DPP6: variants seen among roughly 807,000 people sequenced by gnomAD.
The protein encoded by DPP6 is dipeptidyl peptidase like 6.
A neutral mutation model predicts 122.6 loss-of-function variants in DPP6; 69 were observed. The ratio of observed to expected loss-of-function variants is 0.56; its 90% confidence interval spans 0.46 to 0.69. The LOEUF is 0.69. DPP6 is among the 30% of genes least tolerant of loss of function. The probability of loss-of-function intolerance (pLI) is 0.00; values close to 1 mark genes in which losing one functional copy is unlikely to be tolerated. For synonymous variants in DPP6, 418 were observed against 433.1 expected, an observed-to-expected ratio of 0.97 and a Z score of 0.43; for missense variants, 928 against 1,116.9, an observed-to-expected ratio of 0.83 and a Z score of 2.41.
chr7:154,349,366 G>A (rs1810661546), intron 1 of DPP6, among the ~76,000 whole-genome samples: 1 of 152,096 alleles, frequency 6.6e-6, no homozygotes, highest in Admixed American at 6.5e-5. Context: ...AGTAGAGATG[G>A]GGTTTCACCA....
At chr7:154,679,609 G>A (rs532185538) in intron 7 of DPP6, among the ~76,000 whole-genome samples, 7 of 152,174 alleles carry the variant, frequency 4.6e-5, no homozygotes, top group Non-Finnish European at 1.0e-4. Flanking sequence ...GACAAATCCA[G>A]CGAGGGGAGG....
At chr7:154,344,453 A>G (rs1375818622) in intron 1 of DPP6, among the ~76,000 whole-genome samples, 2 of 152,174 alleles carry the variant, frequency 1.3e-5, no homozygotes, top group Non-Finnish European at 2.9e-5. Context: ...GGGAACCCTC[A>G]TACGCTGTTG....
intron 1 of DPP6, among the ~76,000 whole-genome samples, chr7:154,348,248 A>G (rs935375437): frequency 1.3e-5 from 2 of 152,246 alleles, no homozygotes; most frequent in Admixed American, 6.5e-5. Context: ...TGAAAGTCAT[A>G]CGATTCTATT....
chr7:154,834,486 C>G (rs201001814), intron 16 of DPP6, among the ~76,000 whole-genome samples: 2 of 7,128 alleles, frequency 2.8e-4, no homozygotes, highest in Non-Finnish European at 9.0e-4. Flanking sequence ...CAAAGAAAAA[C>G]AAAAACAAAA....
At chr7:154,711,629 T>A (rs1841185401) in intron 7 of DPP6, among the ~76,000 whole-genome samples, 1 of 144,434 alleles carries the variant, frequency 6.9e-6, no homozygotes, top group Non-Finnish European at 1.5e-5. Context: ...AGACTGGAAT[T>A]CAGGGTTCCA....
At chr7:154,179,653 G>A (rs184929526) in intron 1 of DPP6, among the ~76,000 whole-genome samples, 42 of 152,254 alleles carry the variant, frequency 2.8e-4, no homozygotes, top group African/African-American at 9.6e-4. Flanking sequence ...TCAGGCTTAT[G>A]GCCTTGGTCA....
chr7:154,863,354 T>TC lies in DPP6; in HGVS notation c.1715-4641_1715-4640insC, dbSNP rs1273541331. Among the ~76,000 whole-genome samples the TC allele has an allele frequency of 7.3e-5, 11 of 151,610 alleles. No individual in the cohort carries two copies. The highest frequency in any genetic ancestry group is 2.7e-4 in the African/African-American group (11 of 41,244). On this transcript the variant is annotated intron_variant, in intron 17 of 25. Coordinates refer to ENST00000377770, the MANE Select transcript of DPP6 (RefSeq NM_130797.4). This position sits in a 1 kb window ranked among gnomAD's most constrained non-coding sequence, Gnocchi z 4.1. ...CAATCCTTTCATAGGATTTTTTTTT[T>TC]TTTTTGAGATGGGGGTCTTGCTCTG...
chr7:154,321,799 A>G (rs1807987415), intron 1 of DPP6, among the ~76,000 whole-genome samples: 1 of 151,520 alleles, frequency 6.6e-6, no homozygotes, highest in African/African-American at 2.4e-5. Flanking sequence ...AAAAAAAAAA[A>G]AAAAAAGAGG....
intron 1 of DPP6, among the ~76,000 whole-genome samples, chr7:154,109,651 T>G (rs879036984): frequency 5.5e-4 from 84 of 152,154 alleles, no homozygotes; most frequent in Non-Finnish European, 9.3e-4. Flanking sequence ...TGCTCACAAA[T>G]ATTTTATTGA....
rs538527389 is a variant in DPP6, at chr7:154,832,746, G to A, written c.1667-21034G>A. Among the ~76,000 whole-genome samples, 4 of 152,334 alleles carry A rather than the reference G, an allele frequency of 2.6e-5. No individual in the cohort carries two copies. In the South Asian group the frequency reaches 8.3e-4, roughly 32 times the overall value. On this transcript the variant is annotated intron_variant, in intron 16 of 25. Transcript: ENST00000377770. ...ACAGACCTAAGTGTGTTGAACCCTA[G>A]TGACGTCCTAGACACAAGAGGGCAC...
rs923905458 is a variant in DPP6 at position 154,588,275 on chromosome 7, A to G, written c.627+21359A>G. ...AATGGCCTGTTCTCAGAGATGCAGC[A>G]ATGGACCCTCGTGAATACTGAACTG... On this transcript the variant is annotated intron_variant, in intron 5 of 25. Coordinates refer to ENST00000377770, the MANE Select transcript of DPP6 (RefSeq NM_130797.4). 5 of 964,354 alleles carry G rather than the reference A, an allele frequency of 5.2e-6. No individual in the cohort carries two copies. The Admixed American group carries it at 9.0e-5, about 17-fold the overall frequency. The allele number at this position is 964,354 out of a possible 1,614,324, so 59.7% of individuals were successfully genotyped here. A position where few individuals can be genotyped will look rare whatever the true frequency, so the allele number is the denominator to read the frequency against.
At chr7:154,590,121 T>A (rs139574734) in intron 5 of DPP6, among the ~76,000 whole-genome samples, 1 of 152,208 alleles carries the variant, frequency 6.6e-6, no homozygotes, top group Non-Finnish European at 1.5e-5. Context: ...ACAAACCGAT[T>A]TGCTCTCGGG....
intron 1 of DPP6, among the ~76,000 whole-genome samples, chr7:154,269,070 A>G (rs1279520566): frequency 6.6e-6 from 1 of 150,978 alleles, no homozygotes; most frequent in Admixed American, 6.6e-5. Flanking sequence ...TCAATCTGTA[A>G]TATCAGGATG....
At chr7:154,613,486 G>T (rs1239480774) in intron 5 of DPP6, among the ~76,000 whole-genome samples, 1 of 151,810 alleles carries the variant, frequency 6.6e-6, no homozygotes, top group Non-Finnish European at 1.5e-5. Flanking sequence ...AGGCATGGTG[G>T]TGCATGCCTG....
At chr7:154,536,402 A>T (rs922529845) in intron 3 of DPP6, among the ~76,000 whole-genome samples, 2 of 152,146 alleles carry the variant, frequency 1.3e-5, no homozygotes, top group Non-Finnish European at 2.9e-5. Flanking sequence ...AAATATAAAA[A>T]CTCATGGAAA....
intron 1 of DPP6, among the ~76,000 whole-genome samples, chr7:154,334,511 C>T (rs759745180): frequency 2.6e-5 from 4 of 152,214 alleles, no homozygotes; most frequent in Admixed American, 6.5e-5. Flanking sequence ...AGCCAAGATG[C>T]CTTTCACCAT....
chr7:154,220,974 A>G (rs902301344), intron 1 of DPP6, among the ~76,000 whole-genome samples: 2 of 152,132 alleles, frequency 1.3e-5, no homozygotes, highest in Admixed American at 6.5e-5. Flanking sequence ...GAGTTTGACC[A>G]TATGTGTGGA....
At chr7:154,678,222 G>A (rs1839042670) in intron 7 of DPP6, among the ~76,000 whole-genome samples, 1 of 152,186 alleles carries the variant, frequency 6.6e-6, no homozygotes, top group African/African-American at 2.4e-5. Flanking sequence ...ATAAAAGCTG[G>A]CCACCGCCGC....
chr7:154,164,011 C>T (rs1316901617), intron 1 of DPP6, among the ~76,000 whole-genome samples: 5 of 152,136 alleles, frequency 3.3e-5, no homozygotes, highest in East Asian at 1.9e-4. Flanking sequence ...TTCCTCCACT[C>T]GATGCCTGGT....
Sources: gnomAD v4.1 joint callset for allele counts (sites outside exome capture counted in the v4.1 genomes callset) on GRCh38, gnomAD v4.1.1 for gene constraint, Gnocchi (gnomAD v3.1) non-coding constraint, MANE v1.5 for transcripts, NCBI Gene and HGNC (gene_info 2026-07-23, HGNC 2026-07-21) for gene names.